Variants in ERC2 observed in about 807,000 individuals in gnomAD.
ERC2 encodes the protein ERC protein 2.
ERC2 carries 42 observed loss-of-function variants against 114.8 expected under a neutral mutation model. That is an observed-to-expected ratio of 0.37 (90% CI 0.29 to 0.47). The LOEUF is 0.47. Among genes scored for constraint, ERC2 ranks in the 20% least tolerant of loss-of-function variants. ERC2 has a pLI of 0.99. For synonymous variants in ERC2, 454 were observed against 425.5 expected, an observed-to-expected ratio of 1.07 and a Z score of -0.82; for missense variants, 939 against 1,150.7, an observed-to-expected ratio of 0.82 and a Z score of 2.66.
intron 14 of ERC2, among the ~76,000 whole-genome samples, chr3:55,886,560 T>C (rs552611831): frequency 2.0e-5 from 3 of 152,352 alleles, no homozygotes; most frequent in South Asian, 4.1e-4. Flanking sequence ...CTAACATGAA[T>C]ACATTCATAA....
chr3:56,386,900 T>G (rs78345319), intron 2 of ERC2, among the ~76,000 whole-genome samples: 1 of 152,216 alleles, frequency 6.6e-6, no homozygotes, highest in African/African-American at 2.4e-5. Context: ...TCATTCCATA[T>G]GAACAGCATA....
intron 14 of ERC2, among the ~76,000 whole-genome samples, chr3:55,867,479 G>A (rs1350191260): frequency 6.6e-6 from 1 of 152,202 alleles, no homozygotes; most frequent in Non-Finnish European, 1.5e-5. Context: ...TTCAGTTTGG[G>A]TGGTGGAGGG....
At chr3:56,120,939 G>A (rs777850055) in intron 6 of ERC2, among the ~76,000 whole-genome samples, 4 of 152,154 alleles carry the variant, frequency 2.6e-5, no homozygotes, top group Non-Finnish European at 5.9e-5. Flanking sequence ...TATAAGGAAG[G>A]AAGATTGCTT....
intron 3 of ERC2, among the ~76,000 whole-genome samples, chr3:56,245,564 T>C (rs2051631405): frequency 6.6e-6 from 1 of 151,670 alleles, no homozygotes; most frequent in South Asian, 2.1e-4. Flanking sequence ...AGTCATATGA[T>C]TATTATTTTT....
intron 8 of ERC2, among the ~76,000 whole-genome samples, chr3:56,012,088 C>T (rs1342721072): frequency 6.6e-6 from 1 of 152,050 alleles, no homozygotes; most frequent in Non-Finnish European, 1.5e-5. Context: ...CTTCTTGATC[C>T]CAGACCTAGT....
intron 17 of ERC2, among the ~76,000 whole-genome samples, chr3:55,532,660 T>C (rs1265793801): frequency 6.6e-6 from 1 of 152,140 alleles, no homozygotes; most frequent in East Asian, 1.9e-4. Context: ...TCAGGACCAT[T>C]GTTCAGGGCC....
chr3:55,716,249 C>T (rs918686025), intron 15 of ERC2, among the ~76,000 whole-genome samples: 2 of 152,196 alleles, frequency 1.3e-5, no homozygotes, highest in African/African-American at 4.8e-5. Flanking sequence ...CTCCCAGCTT[C>T]CCCCACAGAA....
chr3:56,296,258 G>A lies in ERC2; in HGVS notation c.835C>T (p.Leu279Phe). Residue 279 changes from leucine (L) to phenylalanine (F), a missense_variant, in exon 3 of 18, where the codon CTT becomes TTT. By Grantham distance (22) the Leu-to-Phe change is conservative. Coordinates refer to ENST00000288221, the MANE Select transcript of ERC2 (RefSeq NM_015576.3). Reference sequence around the variant, plus strand: ...ATTTCCTCTAATGTCTTCCTCAAAAGGAACAGCTCCTTAGCCTGCCTGTCA... The same window carrying A: ...ATTTCCTCTAATGTCTTCCTCAAAAAGAACAGCTCCTTAGCCTGCCTGTCA... ...EHDRQAKELF[L>F]LRKTLEEMEL... The A allele has an allele frequency of 6.2e-7, 1 of 1,614,000 alleles. No individual in the cohort carries two copies. The highest frequency in any genetic ancestry group is 1.1e-5 in the South Asian group (1 of 91,080).
chr3:56,235,610 T>G (rs918709930), intron 3 of ERC2, among the ~76,000 whole-genome samples: 2 of 152,214 alleles, frequency 1.3e-5, no homozygotes, highest in Non-Finnish European at 2.9e-5. Context: ...TCTGTCTCCC[T>G]GACCGAGTCC....
At chr3:55,944,333 AG>A (rs2066997706) in intron 13 of ERC2, among the ~76,000 whole-genome samples, 2 of 152,238 alleles carry the variant, frequency 1.3e-5, no homozygotes, top group African/African-American at 4.8e-5. Flanking sequence ...CTCTGTCTTC[AG>A]GGGGTAATTT....
intron 17 of ERC2, among the ~76,000 whole-genome samples, chr3:55,660,452 T>G (rs1440596446): frequency 6.6e-6 from 1 of 152,124 alleles, no homozygotes; most frequent in African/African-American, 2.4e-5. Flanking sequence ...GAGCTTTGGC[T>G]TGCAGAACCT....
intron 13 of ERC2, among the ~76,000 whole-genome samples, chr3:55,905,149 C>T (rs1488627096): frequency 1.3e-5 from 2 of 152,324 alleles, no homozygotes; most frequent in Non-Finnish European, 1.5e-5. Flanking sequence ...GGCTCAATCT[C>T]GGCTCACTGC....
chr3:55,822,833 G>A (rs1057088190), intron 14 of ERC2, among the ~76,000 whole-genome samples: 14 of 152,012 alleles, frequency 9.2e-5, no homozygotes, highest in South Asian at 6.2e-4. Flanking sequence ...CAGGATGGTC[G>A]CGATCTCCTG....
chr3:56,030,655 A>T (rs1490585346), intron 7 of ERC2, among the ~76,000 whole-genome samples: 1 of 152,250 alleles, frequency 6.6e-6, no homozygotes, highest in African/African-American at 2.4e-5. Flanking sequence ...AATTAATGTT[A>T]GAACAAAGAG....
chr3:56,298,656 A>G (rs934623796), intron 2 of ERC2, among the ~76,000 whole-genome samples: 2 of 150,054 alleles, frequency 1.3e-5, no homozygotes, highest in African/African-American at 4.9e-5. Flanking sequence ...AATGTCCAGA[A>G]TAAACATATC....
At position 55,843,743 on chromosome 3, in the gene ERC2, G is replaced by A. The variant is rs9811607; in HGVS notation, c.2564+44646C>T. ...CACTGCAAAAATGTGTGGCCCCAAT[G>A]TTTCATGTCAGACCTGTTGGCTCCT... On this transcript the variant is annotated intron_variant, in intron 14 of 17. Coordinates refer to ENST00000288221, the MANE Select transcript of ERC2 (RefSeq NM_015576.3). Among the ~76,000 whole-genome samples the A allele has an allele frequency of 5.6e-3, 851 of 152,272 alleles. 9 individuals are homozygous for A. The highest frequency in any genetic ancestry group is 0.02 in the African/African-American group (815 of 41,554).
intron 14 of ERC2, among the ~76,000 whole-genome samples, chr3:55,778,566 A>G (rs901346529): frequency 6.6e-6 from 1 of 152,210 alleles, no homozygotes; most frequent in African/African-American, 2.4e-5. Context: ...GGCAAAAAAC[A>G]GCTACAACAG....
chr3:56,352,474 G>A (rs2150530088), intron 2 of ERC2, among the ~76,000 whole-genome samples: 1 of 152,318 alleles, frequency 6.6e-6, no homozygotes, highest in African/African-American at 2.4e-5. Context: ...AGATTGCGGG[G>A]AGGTGGCAAG....
intron 12 of ERC2, among the ~76,000 whole-genome samples, chr3:55,979,980 A>G (rs1443060307): frequency 1.4e-5 from 2 of 147,608 alleles, no homozygotes; most frequent in Admixed American, 6.7e-5. Flanking sequence ...TTTTTAAGGA[A>G]CCATAGAGGC....
Sources: gnomAD v4.1 joint callset for allele counts (sites outside exome capture counted in the v4.1 genomes callset) on GRCh38, gnomAD v4.1.1 for gene constraint, MANE v1.5 for transcripts, NCBI Gene and HGNC (gene_info 2026-07-23, HGNC 2026-07-21) for gene names.